The following FBN3 variants were observed in gnomAD, a reference collection of about 807,000 sequenced individuals.
FBN3 encodes the protein fibrillin 3, also known as fibrillin-3.
Under a neutral mutation model 330.1 loss-of-function variants are expected in FBN3, and 234 were observed. That is an observed-to-expected ratio of 0.71 (90% confidence interval 0.64 to 0.79). FBN3 has a LOEUF of 0.79. Among genes scored for constraint, FBN3 ranks in the 30% least tolerant of loss-of-function variants. The pLI is 0.00. For synonymous variants in FBN3, 1,458 were observed against 1,517.3 expected, an observed-to-expected ratio of 0.96 and a Z score of 0.91; for missense variants, 3,606 against 3,886.9, an observed-to-expected ratio of 0.93 and a Z score of 1.92.
At chr19:8,084,972 A>C (rs569469899) in intron 56 of FBN3, among the ~76,000 whole-genome samples, 1 of 152,078 alleles carries the variant, frequency 6.6e-6, no homozygotes, top group South Asian at 2.1e-4. Context: ...TTGCAGCCTC[A>C]AATTCCTGGG....
rs139789774 is a variant in FBN3 at position 8,101,368 on chromosome 19, C to G, written c.5090-396G>C. On this transcript the variant is annotated intron_variant, in intron 40 of 63. Transcript: ENST00000600128. ...ACAGCTATAAGCCCCTAGAAGTCCC[C>G]TTCCCATCACTGTCCCATTCCTGCA... Among the ~76,000 whole-genome samples the G allele has an allele frequency of 3.2e-3, 481 of 152,268 alleles. 1 individual carries two copies. The highest frequency in any genetic ancestry group is 5.0e-3 in the Non-Finnish European group (338 of 68,010).
At chr19:8,106,377 A>G (rs1237551034) in intron 37 of FBN3, 144 bp from the exon 38 acceptor site, 1 of 720,610 alleles carries the variant, frequency 1.4e-6, no homozygotes, top group Non-Finnish European at 2.3e-6. Flanking sequence ...TAAAGGGTCT[A>G]TCTTGATGGC....
intron 30 of FBN3, among the ~76,000 whole-genome samples, chr19:8,114,647 A>G (rs1043600568): frequency 1.5e-4 from 23 of 152,034 alleles, no homozygotes; most frequent in African/African-American, 5.6e-4. Flanking sequence ...CTGGTCTCGA[A>G]CCCATGGGCT....
At position 8,133,099 on chromosome 19, in the gene FBN3, G is replaced by C; in HGVS notation, c.1599C>G (p.Asn533Lys). 1.3e-6 allele frequency: 2 copies of C among 1,574,232 alleles called. No homozygotes were observed. Among genetic ancestry groups the C allele is most frequent in the Non-Finnish European group, 8.6e-7 (1 of 1,161,076 alleles). The change falls in exon 14 of 64, where the codon AAC becomes AAG. Residue 533 changes from asparagine (N) to lysine (K), a missense_variant. Coordinates refer to ENST00000600128, the MANE Select transcript of FBN3 (RefSeq NM_032447.5). ...SPDGKNCVDH[N>K]ECATSTMCVN... ...CGCACATGGTGCTGGTGGCACACTC[G>C]TTGTGGTCTGGGGACAACAGCAGAG...
In FBN3 at chr19:8,087,822, T is replaced by C; in HGVS notation, c.6619+3A>G. On this transcript the variant is annotated splice_donor_region_variant and intron_variant, in intron 53 of 63. Transcript: ENST00000600128. ...AGGGTTTTACCATATTAGTCAGGCC[T>C]ACCTCGACACATGGCCCCATCCTCC... is the stretch of plus-strand genomic sequence containing the variant. The C allele has an allele frequency of 1.2e-6, 2 of 1,613,014 alleles. No homozygotes were observed. Among genetic ancestry groups the C allele is most frequent in the South Asian group, 2.2e-5 (2 of 91,052 alleles).
chr19:8,082,323 CTTTCTG>C (rs2081811860), intron 57 of FBN3, among the ~76,000 whole-genome samples: 1 of 149,716 alleles, frequency 6.7e-6, no homozygotes, highest in Non-Finnish European at 1.5e-5. Context: ...CTCTTTCTTT[CTTTCTG>C]TTTCTTTCTC....
At chr19:8,142,803 A>AC (rs1292104074) in intron 6 of FBN3, among the ~76,000 whole-genome samples, 5 of 101,192 alleles carry the variant, frequency 4.9e-5, no homozygotes, top group African/African-American at 3.9e-5. Flanking sequence ...AGAGACCCCC[A>AC]CCCCCCAGCT....
In FBN3 at chr19:8,147,497, G is replaced by A. The variant is rs2145077951; in HGVS notation, c.-17C>T. On this transcript the variant is annotated splice_region_variant and 5_prime_UTR_variant, in exon 2 of 64. Transcript: ENST00000600128. ...CAGAGTCATGGCGTGTCCCCTGGAG[G>A]CTGCGGAGAGGAAGCAGAGTCAGCC... is the stretch of plus-strand genomic sequence containing the variant. 6.9e-7 allele frequency: 1 copy of A among 1,447,174 alleles called. No individual in the cohort carries two copies. Among genetic ancestry groups the A allele is most frequent in the Non-Finnish European group, 9.1e-7 (1 of 1,097,996 alleles). The allele number at this position is 1,447,174 out of a possible 1,614,324, so 89.6% of individuals were successfully genotyped here. A position where few individuals can be genotyped will look rare whatever the true frequency, so the allele number is the denominator to read the frequency against.
intron 63 of FBN3, among the ~76,000 whole-genome samples, chr19:8,069,113 A>C (rs1403790593): frequency 6.6e-6 from 1 of 152,156 alleles, no homozygotes; most frequent in African/African-American, 2.4e-5. Context: ...CAGTGAGAGA[A>C]ACGGGATGCC....
intron 45 of FBN3, 138 bp from the exon 46 acceptor site, chr19:8,095,641 T>A (rs2082192938): frequency 2.4e-6 from 2 of 840,772 alleles, no homozygotes; most frequent in African/African-American, 3.4e-5. Context: ...CTATGTATAT[T>A]AGCCTTCTAC....
chr19:8,074,273 G>C (rs969901788), intron 61 of FBN3, among the ~76,000 whole-genome samples: 1 of 152,104 alleles, frequency 6.6e-6, no homozygotes, highest in Admixed American at 6.5e-5. Context: ...ATCCCCAGGG[G>C]ACAAGCAGCT....
intron 51 of FBN3, among the ~76,000 whole-genome samples, chr19:8,089,083 T>TAAGTGAGTGAATGAGC (rs2082033763): frequency 1.3e-5 from 2 of 149,856 alleles, no homozygotes; most frequent in African/African-American, 5.1e-5. Context: ...AGTAAATGAA[T>TAAGTGAGTGAATGAGC]AAGTGAGTGA....
intron 57 of FBN3, among the ~76,000 whole-genome samples, chr19:8,081,823 T>G (rs1175134112): frequency 6.6e-6 from 1 of 151,940 alleles, no homozygotes; most frequent in Non-Finnish European, 1.5e-5. Flanking sequence ...CTGACTTAGA[T>G]GTACGCTTGC....
Position 8,075,303 on chromosome 19 carries a change from C to T in FBN3, c.7562G>A (p.Ser2521Asn), listed in dbSNP as rs143120483. The T allele has an allele frequency of 3.3e-4, 534 of 1,613,880 alleles. No homozygotes were observed. The highest frequency in any genetic ancestry group is 4.1e-4 in the Non-Finnish European group (486 of 1,179,894). ...CECHQGFTLV[S>N]SGHGCEDVNE... is the part of the protein sequence containing the mutation. ...TGTACCTTCACAGCCATGGCCTGAG[C>T]TGACCAGGGTGAAGCCTTGGTGGCA... Residue 2521 changes from serine to asparagine, a missense_variant, in exon 60 of 64, where the codon AGC becomes AAC. Ser to Asn is a conservative substitution (Grantham distance 46). Transcript: ENST00000600128.
chr19:8,121,241 GC>G lies in FBN3; in HGVS notation c.3211+16del. On this transcript the variant is annotated intron_variant, in intron 25 of 63. Coordinates refer to ENST00000600128, the MANE Select transcript of FBN3 (RefSeq NM_032447.5). The surrounding 1 kb of genome is among the most constrained non-coding windows in gnomAD (Gnocchi z 4.5). ...TGCCCAGGGCGCCCACCACACCCCT[GC>G]CCGGCAGTCACCGACCCATGCAGTT... 1 of 1,580,620 alleles carries G rather than the reference GC, an allele frequency of 6.3e-7. No homozygotes were observed. Among genetic ancestry groups the G allele is most frequent in the Non-Finnish European group, 8.6e-7 (1 of 1,160,562 alleles).
intron 38 of FBN3, among the ~76,000 whole-genome samples, chr19:8,104,185 A>G (rs891910614): frequency 7.6e-6 from 1 of 130,912 alleles, no homozygotes; most frequent in Non-Finnish European, 1.6e-5. Flanking sequence ...AAAAAAAAAC[A>G]TTTACAAGCT....
chr19:8,122,551 G>C (rs2082876871), intron 24 of FBN3, among the ~76,000 whole-genome samples: 1 of 151,672 alleles, frequency 6.6e-6, no homozygotes, highest in South Asian at 2.1e-4. Flanking sequence ...ATCTTTAGTA[G>C]AGACGGGGTA....
rs1599329954 is a variant in FBN3 at position 8,096,833 on chromosome 19, G to A, written c.5413+48C>T. On this transcript the variant is annotated intron_variant, in intron 43 of 63. Coordinates refer to ENST00000600128, the MANE Select transcript of FBN3 (RefSeq NM_032447.5). This position sits in a 1 kb window ranked among gnomAD's most constrained non-coding sequence, Gnocchi z 4.6. ...AGCCATACCCCATCTAAGTCCCCAT[G>A]GGTGACAGAGCCCAGCTCCCTCACC... is the stretch of plus-strand genomic sequence containing the variant. 1 of 1,600,288 alleles carries A rather than the reference G, an allele frequency of 6.2e-7. No homozygotes were observed. Among genetic ancestry groups the A allele is most frequent in the Non-Finnish European group, 8.5e-7 (1 of 1,174,930 alleles).
chr19:8,109,265 C>A lies in FBN3; in HGVS notation c.4580G>T (p.Trp1527Leu). Residue 1527 changes from tryptophan to leucine, a missense_variant, in exon 36 of 64, where the codon TGG (tryptophan) becomes TTG (leucine). Coordinates refer to ENST00000600128, the MANE Select transcript of FBN3 (RefSeq NM_032447.5). This position sits in a 1 kb window ranked among gnomAD's most constrained non-coding sequence, Gnocchi z 5.2. ...ASCCCSLGRA[W>L]GNPCELCPMA... ...AGGGCACAGCTCACAGGGATTGCCCCAAGCCCGGCCCAGGGAGCAACAGCA... is the reference window on the plus strand; with the variant it reads ...AGGGCACAGCTCACAGGGATTGCCCAAAGCCCGGCCCAGGGAGCAACAGCA... 4 of 1,614,184 alleles carry A rather than the reference C, an allele frequency of 2.5e-6. No homozygotes were observed. The highest frequency in any genetic ancestry group is 3.4e-6 in the Non-Finnish European group (4 of 1,180,034).
Sources: gnomAD v4.1 joint callset for allele counts (sites outside exome capture counted in the v4.1 genomes callset) on GRCh38, gnomAD v4.1.1 for gene constraint, Gnocchi (gnomAD v3.1) non-coding constraint, MANE v1.5 for transcripts, NCBI Gene and HGNC (gene_info 2026-07-23, HGNC 2026-07-21) for gene names.